The following PPFIA1 variants were observed in gnomAD, a reference collection of about 807,000 sequenced individuals.
The protein encoded by PPFIA1 is liprin-alpha-1.
A neutral mutation model predicts 149.9 loss-of-function variants in PPFIA1; 25 were observed. The ratio of observed to expected loss-of-function variants is 0.17; its 90% CI spans 0.12 to 0.23. PPFIA1 has a LOEUF of 0.23. Among genes scored for constraint, PPFIA1 ranks in the 10% least tolerant of loss-of-function variants. PPFIA1 has a pLI of 1.00. For synonymous variants in PPFIA1, 549 were observed against 552.8 expected, an observed-to-expected ratio of 0.99 and a Z score of 0.10; for missense variants, 1,362 against 1,506.5, an observed-to-expected ratio of 0.90 and a Z score of 1.59.
intron 2 of PPFIA1, among the ~76,000 whole-genome samples, chr11:70,276,960 A>G (rs527903108): frequency 8.6e-6 from 1 of 115,818 alleles, no homozygotes; most frequent in East Asian, 2.5e-4. Flanking sequence ...TCGGCTTTAC[A>G]TTTTTTTCTA....
intron 9 of PPFIA1, 103 bp downstream of exon 9, chr11:70,332,197 C>T (rs1408634262): frequency 2.1e-5 from 29 of 1,364,366 alleles, no homozygotes; most frequent in Admixed American, 2.7e-5. Flanking sequence ...CACCTAAATC[C>T]GTGGAAGAGC....
intron 21 of PPFIA1, chr11:70,365,778 T>C (rs943800753): frequency 2.7e-6 from 1 of 370,390 alleles, no homozygotes; most frequent in Non-Finnish European, 5.3e-6. Context: ...GCATGAGAAG[T>C]TGAAATTGTT....
At chr11:70,345,249 A>G (rs892178107) in intron 15 of PPFIA1, among the ~76,000 whole-genome samples, 1 of 148,296 alleles carries the variant, frequency 6.7e-6, no homozygotes, top group African/African-American at 2.5e-5. Flanking sequence ...GTTTGTGGAC[A>G]TATTTTTAAA....
intron 2 of PPFIA1, among the ~76,000 whole-genome samples, chr11:70,289,490 T>G (rs891087671): frequency 2.6e-5 from 4 of 152,242 alleles, no homozygotes; most frequent in Admixed American, 6.5e-5. Flanking sequence ...TACATTGTTC[T>G]TACAAACAAC....
intron 2 of PPFIA1, among the ~76,000 whole-genome samples, chr11:70,277,627 A>T (rs979253044): frequency 2.0e-5 from 3 of 151,926 alleles, no homozygotes; most frequent in African/African-American, 7.3e-5. Context: ...AGTAGCTGGG[A>T]CTATAGGCAT....
intron 25 of PPFIA1, 36 bp downstream of exon 25, chr11:70,376,636 A>C: frequency 1.4e-6 from 2 of 1,459,480 alleles, no homozygotes; most frequent in Non-Finnish European, 1.9e-6. Flanking sequence ...AAATGTCTGA[A>C]ATGTGTGTAA....
At chr11:70,294,374 T>G (rs2051747035) in intron 2 of PPFIA1, among the ~76,000 whole-genome samples, 1 of 152,066 alleles carries the variant, frequency 6.6e-6, no homozygotes, top group Admixed American at 6.6e-5. Context: ...AGAGGAACAC[T>G]GGGAAGGAAA....
intron 16 of PPFIA1, among the ~76,000 whole-genome samples, chr11:70,352,494 T>A (rs2056109236): frequency 6.6e-6 from 1 of 152,120 alleles, no homozygotes; most frequent in East Asian, 1.9e-4. Context: ...TGGTCACTGG[T>A]AACTTCAGCG....
chr11:70,279,277 C>A, intron 2 of PPFIA1: 1 of 253,576 alleles, frequency 3.9e-6, no homozygotes, highest in South Asian at 8.8e-5. Context: ...TGGAGTCCTT[C>A]CCAGCCTTAC....
At position 70,276,270 on chromosome 11, in the gene PPFIA1, CT is replaced by C. The variant is rs567492443; in HGVS notation, c.264+3850del. Among the ~76,000 whole-genome samples the C allele has an allele frequency of 5.0e-3, 683 of 136,274 alleles. 1 individual carries two copies. The highest frequency in any genetic ancestry group is 4.7e-3 in the Non-Finnish European group (294 of 63,194). The allele number at this position is 136,274 out of a possible 152,430, so 89.4% of individuals were successfully genotyped here. A position where few individuals can be genotyped will look rare whatever the true frequency, so the allele number is the denominator to read the frequency against. On this transcript the variant is annotated intron_variant, in intron 2 of 27. Transcript: ENST00000253925. ...TATAGACGCACGCCACTGCGCCTTG[CT>C]TTTTTTTTTTTTTTTAATTGCATAT...
At chr11:70,355,883 G>A in intron 18 of PPFIA1, 72 bp downstream of exon 18, 1 of 1,531,788 alleles carries the variant, frequency 6.5e-7, no homozygotes, top group South Asian at 1.3e-5. Context: ...GGTGCCATCA[G>A]TTCCCACGCG....
chr11:70,314,222 C>G (rs1461425160), intron 2 of PPFIA1, among the ~76,000 whole-genome samples: 2 of 152,062 alleles, frequency 1.3e-5, no homozygotes, highest in African/African-American at 4.8e-5. Flanking sequence ...CAGAGGCTAC[C>G]CAGTAGATGA....
chr11:70,282,833 CTTTTTTTTTTT>C (rs59308854), intron 2 of PPFIA1, among the ~76,000 whole-genome samples: 1 of 71,894 alleles, frequency 1.4e-5, no homozygotes, highest in Non-Finnish European at 2.5e-5. Context: ...CCGTGCCTGG[CTTTTTTTTTTT>C]TTTTTTTTTT....
chr11:70,324,238 A>G (rs982401383), intron 2 of PPFIA1, among the ~76,000 whole-genome samples, 164 bp from the exon 3 acceptor site: 6 of 152,120 alleles, frequency 3.9e-5, no homozygotes, highest in African/African-American at 7.2e-5. Flanking sequence ...TTGTTAGGGA[A>G]TCTGTGTGGT....
intron 2 of PPFIA1, among the ~76,000 whole-genome samples, chr11:70,312,337 C>T (rs2053337384): frequency 1.3e-5 from 2 of 150,670 alleles, no homozygotes; most frequent in African/African-American, 2.4e-5. Context: ...AATACAGGTG[C>T]GCACCACCAC....
intron 10 of PPFIA1, among the ~76,000 whole-genome samples, chr11:70,334,013 A>G (rs772200791): frequency 1.3e-5 from 2 of 152,130 alleles, no homozygotes. Context: ...TCCAAACATA[A>G]TGGCGTGTTG....
intron 25 of PPFIA1, among the ~76,000 whole-genome samples, chr11:70,377,122 T>A (rs2057525454): frequency 6.6e-6 from 1 of 151,946 alleles, no homozygotes; most frequent in African/African-American, 2.4e-5. Flanking sequence ...AGTAATACCT[T>A]CAAGAAGGTA....
At chr11:70,314,011 G>A (rs55845758) in intron 2 of PPFIA1, among the ~76,000 whole-genome samples, 1,906 of 152,266 alleles carry the variant, frequency 0.013, 36 homozygotes, top group East Asian at 0.087. Context: ...GATTGAGGTC[G>A]TGTCTCAAAT....
intron 2 of PPFIA1, among the ~76,000 whole-genome samples, chr11:70,323,291 T>C (rs1053324462): frequency 1.4e-4 from 22 of 152,230 alleles, no homozygotes; most frequent in Non-Finnish European, 2.5e-4. Context: ...CCTGGTCTTA[T>C]GGCGGCAGCC....
Sources: allele counts gnomAD v4.1 joint callset (sites outside exome capture counted in the v4.1 genomes callset), GRCh38; gene constraint gnomAD v4.1.1; transcripts MANE v1.5; gene names NCBI Gene and HGNC (gene_info 2026-07-23, HGNC 2026-07-21).